PIP5K1C: variants seen among roughly 807,000 people sequenced by gnomAD.
PIP5K1C encodes the protein phosphatidylinositol 4-phosphate 5-kinase type-1 gamma.
PIP5K1C carries 45 observed loss-of-function variants against 80.1 expected under a neutral mutation model. That is an observed-to-expected ratio of 0.56 (90% CI 0.44 to 0.72). The LOEUF (loss-of-function observed/expected upper bound fraction) is 0.72, where lower values mean the gene tolerates loss of function less well. Ranked by LOEUF, PIP5K1C falls within the 30% of genes least tolerant of loss-of-function variation. The pLI, the probability that PIP5K1C is intolerant of heterozygous loss-of-function variation, is 0.00. For synonymous variants in PIP5K1C, 498 were observed against 420.1 expected (o/e 1.19, Z -2.27); for missense variants, 753 against 954.6 (o/e 0.79, Z 2.78).
chr19:3,640,083 C>T (rs535886159), intron 15 of PIP5K1C, among the ~76,000 whole-genome samples: 2 of 152,310 alleles, frequency 1.3e-5, no homozygotes, highest in East Asian at 1.9e-4. Context: ...TTTGGGTCTA[C>T]GCTGCTGTGA....
chr19:3,671,090 T>C (rs1406987163), intron 1 of PIP5K1C, among the ~76,000 whole-genome samples: 1 of 152,074 alleles, frequency 6.6e-6, no homozygotes, highest in Non-Finnish European at 1.5e-5. Flanking sequence ...AAGCCAGCGG[T>C]GGGCCGGGGC....
chr19:3,672,788 G>A (rs1011363465), intron 1 of PIP5K1C, among the ~76,000 whole-genome samples: 1 of 152,162 alleles, frequency 6.6e-6, no homozygotes, highest in African/African-American at 2.4e-5. Flanking sequence ...GCACCTGCAG[G>A]GCACTGTGAC....
At chr19:3,681,206 C>A (rs917191425) in intron 1 of PIP5K1C, among the ~76,000 whole-genome samples, 2 of 151,222 alleles carry the variant, frequency 1.3e-5, no homozygotes, top group Non-Finnish European at 2.9e-5. Context: ...AGGAAAAGAA[C>A]ACCCGTACCT....
chr19:3,689,518 G>T lies in PIP5K1C; in HGVS notation c.94+10779C>A, dbSNP rs571981947. 2.0e-5 allele frequency among the ~76,000 whole-genome samples: 3 copies of T among 152,110 alleles called. No homozygotes were observed. The East Asian group carries it at 5.8e-4, about 29-fold the overall frequency. ...ACAAAAATTAGCCGGGTGTGGTGGC[G>T]GGCGCCTGTAATCCCAGCTACTTGG... On this transcript the variant is annotated intron_variant, in intron 1 of 17. Coordinates refer to ENST00000335312, the MANE Select transcript of PIP5K1C (RefSeq NM_012398.3).
Position 3,633,436 on chromosome 19 carries a change from CT to C in PIP5K1C, c.2004del (p.Ter669AsnfsTer216). 6.7e-7 allele frequency: 1 copy of C among 1,493,394 alleles called. No homozygotes were observed. The highest frequency in any genetic ancestry group is 8.9e-7 in the Non-Finnish European group (1 of 1,119,138). 92.5% of individuals were successfully genotyped at this position (1,493,394 alleles called of 1,614,324 possible). A position where few individuals can be genotyped will look rare whatever the true frequency, so the allele number is the denominator to read the frequency against. ...GGCGGGTGCACCTGGGCTGCACTTA[CT>C]GTGTCGCTCTCGCCGTCGGAGGCCG... ...APPASDGESDT is the reference protein window; with the variant it reads ...APPASDGESDX On this transcript the variant is annotated frameshift_variant and splice_region_variant, in exon 17 of 18. Coordinates refer to ENST00000335312, the MANE Select transcript of PIP5K1C (RefSeq NM_012398.3). LOFTEE classifies it high-confidence loss of function.
intron 10 of PIP5K1C, among the ~76,000 whole-genome samples, chr19:3,646,545 A>G (rs897960506): frequency 2.6e-5 from 4 of 152,158 alleles, no homozygotes; most frequent in African/African-American, 9.7e-5. Flanking sequence ...ACTCTGGGCC[A>G]GGGGACAAGG....
At chr19:3,666,220 G>A (rs1358346766) in intron 2 of PIP5K1C, among the ~76,000 whole-genome samples, 1 of 152,232 alleles carries the variant, frequency 6.6e-6, no homozygotes, top group Non-Finnish European at 1.5e-5. Context: ...GTGCCTTGGG[G>A]ACTGCTCCTG....
chr19:3,667,259 C>A (rs979761944), intron 2 of PIP5K1C, 63 bp downstream of exon 2: 30 of 1,461,188 alleles, frequency 2.1e-5, no homozygotes, highest in Middle Eastern at 1.7e-4. Flanking sequence ...AGCTTCTCCG[C>A]GAGTAGGGAG....
intron 15 of PIP5K1C, among the ~76,000 whole-genome samples, chr19:3,639,556 C>G (rs1191986513): frequency 6.6e-6 from 1 of 152,114 alleles, no homozygotes; most frequent in Non-Finnish European, 1.5e-5. Flanking sequence ...CTTGGCCTCC[C>G]AAGTAGCTGA....
At position 3,688,780 on chromosome 19, in the gene PIP5K1C, C is replaced by T. The variant is rs1001840500; in HGVS notation, c.94+11517G>A. 6.6e-6 allele frequency among the ~76,000 whole-genome samples: 1 copy of T among 151,958 alleles called. No homozygotes were observed. On this transcript the variant is annotated intron_variant, in intron 1 of 17. Transcript: ENST00000335312. The surrounding 1 kb of genome is among the most constrained non-coding windows in gnomAD (Gnocchi z 5.3). ...GGGGGGAGAACGAGAGCGAGAGACA[C>T]ACCGAGCTGGTGGGCCGGGGGAGGG...
Position 3,644,115 on chromosome 19 carries a change from G to A in PIP5K1C, c.1482C>T (p.Ala494=), listed in dbSNP as rs763518235. The A allele has an allele frequency of 6.2e-6, 10 of 1,611,504 alleles. No individual in the cohort carries two copies. In the South Asian group the frequency reaches 8.8e-5, roughly 14 times the overall value. ...CGTCCTCCAGCGTGGGGTAGCTGCG[G>A]GCCCCCCGCAGGTCGTACTGGGCCT... ...REEAQYDLRG[A]RSYPTLEDEG... Residue 494 remains alanine (A), a synonymous_variant, in exon 12 of 18, where the codon GCC becomes GCT. Transcript: ENST00000335312.
rs557860477 is a variant in PIP5K1C, at chr19:3,696,316, G to C, written c.94+3981C>G. Among the ~76,000 whole-genome samples the C allele has an allele frequency of 2.6e-5, 4 of 152,208 alleles. No individual in the cohort carries two copies. Among genetic ancestry groups the C allele is most frequent in the African/African-American group, 9.7e-5 (4 of 41,450 alleles). ...GATCTGCACTGTGCTGAGCTCTTCCGGGCGCAGGGGATGCCGCAGGAGTGG... is the reference window on the plus strand; with the variant it reads ...GATCTGCACTGTGCTGAGCTCTTCCCGGCGCAGGGGATGCCGCAGGAGTGG... On this transcript the variant is annotated intron_variant, in intron 1 of 17. Transcript: ENST00000335312. This position sits in a 1 kb window ranked among gnomAD's most constrained non-coding sequence, Gnocchi z 4.1.
At chr19:3,638,054 C>T in intron 16 of PIP5K1C, 4 of 1,467,050 alleles carry the variant, frequency 2.7e-6, no homozygotes, top group Non-Finnish European at 3.6e-6. Flanking sequence ...AGGAGGTGCC[C>T]CCACAACAGG....
rs1361152438 is a variant in PIP5K1C, at chr19:3,648,201, T to C, written c.1211+424A>G. On this transcript the variant is annotated intron_variant, in intron 9 of 17. Coordinates refer to ENST00000335312, the MANE Select transcript of PIP5K1C (RefSeq NM_012398.3). The surrounding 1 kb of genome is among the most constrained non-coding windows in gnomAD (Gnocchi z 4.3). ...CCACGCTCAGCTAATTTTTTGATAT[T>C]TTGTAGAGATGGGGTCTTGCTATGT... is the stretch of plus-strand genomic sequence containing the variant. 4.6e-5 allele frequency among the ~76,000 whole-genome samples: 7 copies of C among 151,860 alleles called. No homozygotes were observed. Among genetic ancestry groups the C allele is most frequent in the Admixed American group, 4.6e-4 (7 of 15,256 alleles).
At position 3,631,651 on chromosome 19, in the gene PIP5K1C, G is replaced by C. The variant is rs2033473634; in HGVS notation, c.*1516C>G. ...TCTCGTGGAGTGTGTGTCCTCGCTG[G>C]GGACCTCGGGGATGGGTCCGGCTTC... On this transcript the variant is annotated 3_prime_UTR_variant, in exon 18 of 18. Coordinates refer to ENST00000335312, the MANE Select transcript of PIP5K1C (RefSeq NM_012398.3). The C allele has an allele frequency of 1.3e-5, 2 of 152,288 alleles. No individual in the cohort carries two copies. Among genetic ancestry groups the C allele is most frequent in the Admixed American group, 1.3e-4 (2 of 15,290 alleles). The allele number at this position is 152,288 out of a possible 1,614,324, so 9.4% of individuals were successfully genotyped here. A position where few individuals can be genotyped will look rare whatever the true frequency, so the allele number is the denominator to read the frequency against.
intron 1 of PIP5K1C, among the ~76,000 whole-genome samples, chr19:3,694,799 AGT>A (rs1256443678): frequency 2.6e-5 from 4 of 152,178 alleles, no homozygotes; most frequent in Non-Finnish European, 4.4e-5. Context: ...CCTCCCTCCG[AGT>A]CCTCAGCTGC....
At chr19:3,686,335 G>C (rs934689334) in intron 1 of PIP5K1C, among the ~76,000 whole-genome samples, 1 of 141,178 alleles carries the variant, frequency 7.1e-6, no homozygotes, top group African/African-American at 2.6e-5. Flanking sequence ...CAGGAGAATG[G>C]CATGAACCAG....
intron 13 of PIP5K1C, 24 bp from the exon 14 acceptor site, chr19:3,642,963 G>A (rs758505546): frequency 3.1e-6 from 5 of 1,613,256 alleles, no homozygotes; most frequent in Non-Finnish European, 3.4e-6. Flanking sequence ...GCAAACACGT[G>A]ACACCCAGAA....
At chr19:3,698,382 G>A (rs2036192078) in intron 1 of PIP5K1C, among the ~76,000 whole-genome samples, 1 of 152,228 alleles carries the variant, frequency 6.6e-6, no homozygotes, top group South Asian at 2.1e-4. Flanking sequence ...ACATCGGCGG[G>A]ACCAACTCTG....
Sources: gnomAD v4.1 joint callset for allele counts (sites outside exome capture counted in the v4.1 genomes callset) on GRCh38, gnomAD v4.1.1 for gene constraint, Gnocchi (gnomAD v3.1) non-coding constraint, MANE v1.5 for transcripts, NCBI Gene and HGNC (gene_info 2026-07-23, HGNC 2026-07-21) for gene names.